The following GPR107 variants were observed in gnomAD, a reference collection of about 807,000 sequenced individuals.
The protein encoded by GPR107 is protein GPR107.
A neutral mutation model predicts 75.5 loss-of-function variants in GPR107; 31 were observed. The ratio of observed to expected loss-of-function variants is 0.41; its 90% CI spans 0.31 to 0.55. The LOEUF (loss-of-function observed/expected upper bound fraction) is 0.55, where lower values mean the gene tolerates loss of function less well. Among genes scored for constraint, GPR107 ranks in the 20% least tolerant of loss-of-function variants. The pLI, the probability that GPR107 is intolerant of heterozygous loss-of-function variation, is 0.26. For missense variants in GPR107, 572 were observed against 665.7 expected, an observed-to-expected ratio of 0.86 and a Z score of 1.55; for synonymous variants, 267 against 251.3, an observed-to-expected ratio of 1.06 and a Z score of -0.59.
At chr9:130,097,587 C>A (rs1830906679) in intron 9 of GPR107, among the ~76,000 whole-genome samples, 1 of 152,082 alleles carries the variant, frequency 6.6e-6, no homozygotes, top group Admixed American at 6.6e-5. Flanking sequence ...TTAATTTTTG[C>A]CAATCTGATA....
chr9:130,114,833 T>C (rs191029740), intron 14 of GPR107, among the ~76,000 whole-genome samples: 2 of 152,366 alleles, frequency 1.3e-5, no homozygotes, highest in African/African-American at 4.8e-5. Context: ...GAGTCTCTCA[T>C]GGACATGGGG....
intron 1 of GPR107, among the ~76,000 whole-genome samples, chr9:130,067,076 G>T (rs1830089967): frequency 6.6e-6 from 1 of 152,052 alleles, no homozygotes; most frequent in South Asian, 2.1e-4. Context: ...CTGGGAGAAT[G>T]TGACACTGAG....
rs1411192574 is a variant in GPR107 at position 130,053,923 on chromosome 9, T to A, written c.-10T>A. On this transcript the variant is annotated 5_prime_UTR_variant, in exon 1 of 18. Transcript: ENST00000347136. ...CGGGAGAGGAAGCGGCTGGTGATGC[T>A]GGAACAAACATGGCCGCTCTGGCGC... The A allele has an allele frequency of 1.9e-6, 3 of 1,557,566 alleles. 1 individual carries two copies. The highest frequency in any genetic ancestry group is 4.6e-4 in the Middle Eastern group (2 of 4,374).
At chr9:130,056,733 G>A (rs1254362078) in intron 1 of GPR107, among the ~76,000 whole-genome samples, 3 of 151,602 alleles carry the variant, frequency 2.0e-5, no homozygotes, top group Non-Finnish European at 4.4e-5. Context: ...AGACCATCCT[G>A]GCTAACAAGG....
chr9:130,109,893 C>T (rs555707242), intron 14 of GPR107, among the ~76,000 whole-genome samples: 27 of 152,322 alleles, frequency 1.8e-4, no homozygotes, highest in African/African-American at 6.0e-4. Context: ...TTTAATATAT[C>T]GCGATGAGAC....
At chr9:130,076,809 G>A (rs772667724) in intron 3 of GPR107, among the ~76,000 whole-genome samples, 2 of 151,006 alleles carry the variant, frequency 1.3e-5, no homozygotes, top group Admixed American at 6.6e-5. Context: ...ACCACGCCTG[G>A]CCACAGCGCC....
chr9:130,056,978 G>A (rs1311127957), intron 1 of GPR107, among the ~76,000 whole-genome samples: 2 of 141,256 alleles, frequency 1.4e-5, no homozygotes, highest in Admixed American at 7.2e-5. Context: ...GTGTTGGGCC[G>A]CATTCAAAGC....
intron 1 of GPR107, among the ~76,000 whole-genome samples, chr9:130,062,631 TTCCTGCCTGCCTGCCTGCCTGCCTGCCTG>T (rs1829956181): frequency 3.0e-5 from 2 of 66,558 alleles, no homozygotes; most frequent in African/African-American, 5.0e-5. Flanking sequence ...CCTTCCTGCC[TTCCTGCCTGCCTGCCTGCCTGCCTGCCTG>T]CCTTCCTTCC....
At chr9:130,123,064 G>T (rs1345797735) in intron 14 of GPR107, among the ~76,000 whole-genome samples, 1 of 152,086 alleles carries the variant, frequency 6.6e-6, no homozygotes, top group Non-Finnish European at 1.5e-5. Context: ...GTTGTTTTTT[G>T]AGACTGGGTT....
intron 13 of GPR107, among the ~76,000 whole-genome samples, chr9:130,105,365 T>C (rs1831134118): frequency 2.0e-5 from 3 of 152,030 alleles, no homozygotes; most frequent in African/African-American, 7.2e-5. Context: ...GTGATTCTCC[T>C]GCCTCAGCCT....
chr9:130,079,776 C>T lies in GPR107; in HGVS notation c.526+7C>T, dbSNP rs761395806. 36 of 1,583,850 alleles carry T rather than the reference C, an allele frequency of 2.3e-5. No individual in the cohort carries two copies. Among genetic ancestry groups the T allele is most frequent in the East Asian group, 1.1e-4 (5 of 44,158 alleles). On this transcript the variant is annotated splice_region_variant and intron_variant, in intron 5 of 17. Coordinates refer to ENST00000347136, the MANE Select transcript of GPR107 (RefSeq NM_020960.5). ...CAGACCCAGAAGACACAAGGTAAAC[C>T]GTAAGGTGGAAACTGGCTTTCAGTT...
intron 5 of GPR107, among the ~76,000 whole-genome samples, chr9:130,081,893 C>A (rs142410345): frequency 2.0e-3 from 305 of 151,932 alleles, no homozygotes; most frequent in Non-Finnish European, 3.2e-3. Context: ...ACAACAACAA[C>A]AAAAAAAGAA....
intron 14 of GPR107, chr9:130,108,789 C>G (rs1312565251): frequency 4.4e-6 from 2 of 455,792 alleles, no homozygotes; most frequent in Non-Finnish European, 8.8e-6. Flanking sequence ...CCCTTCTTTT[C>G]CCTCTGGAGT....
chr9:130,078,592 G>A (rs1442398879), intron 4 of GPR107, among the ~76,000 whole-genome samples: 1 of 152,190 alleles, frequency 6.6e-6, no homozygotes, highest in African/African-American at 2.4e-5. Flanking sequence ...AGTGGGGCAG[G>A]CGAGAGACAG....
At position 130,056,199 on chromosome 9, in the gene GPR107, C is replaced by G. The variant is rs151235309; in HGVS notation, c.141+2126C>G. ...GGGCACGGTGGCTCACGCCTGTAAT[C>G]CCAGCACTTTCAGAGGCTGAGGTGG... On this transcript the variant is annotated intron_variant, in intron 1 of 17. Transcript: ENST00000347136. 4.6e-3 allele frequency among the ~76,000 whole-genome samples: 707 copies of G among 152,206 alleles called. 6 individuals are homozygous for G. The highest frequency in any genetic ancestry group is 7.5e-3 in the Non-Finnish European group (509 of 68,030).
Position 130,109,567 on chromosome 9 carries a change from CTTTCT to C in GPR107, c.1306+2032_1306+2036del, listed in dbSNP as rs988683932. Among the ~76,000 whole-genome samples the C allele has an allele frequency of 4.6e-3, 120 of 26,222 alleles. 11 individuals carry two copies. The highest frequency in any genetic ancestry group is 5.1e-3 in the Admixed American group (12 of 2,350). 17.2% of individuals were successfully genotyped at this position (26,222 alleles called of 152,430 possible). On this transcript the variant is annotated intron_variant, in intron 14 of 17. Coordinates refer to ENST00000347136, the MANE Select transcript of GPR107 (RefSeq NM_020960.5). ...AACTTGGTGAACAGGTAGTCTTTTTCTTTCTTTTTTTTTTTTTTTGGAGACGAAGT... is the reference window on the plus strand; with the variant it reads ...AACTTGGTGAACAGGTAGTCTTTTTCTTTTTTTTTTTTTTGGAGACGAAGT...
At chr9:130,100,438 GAC>G (rs1276860355) in intron 10 of GPR107, among the ~76,000 whole-genome samples, 189 bp from the exon 11 acceptor site, 1 of 152,224 alleles carries the variant, frequency 6.6e-6, no homozygotes, top group African/African-American at 2.4e-5. Flanking sequence ...TTGCAAGGAT[GAC>G]AGTCTCTAGA....
chr9:130,083,619 C>A lies in GPR107; in HGVS notation c.564+17C>A. On this transcript the variant is annotated intron_variant, in intron 6 of 17. Coordinates refer to ENST00000347136, the MANE Select transcript of GPR107 (RefSeq NM_020960.5). The stretch of plus-strand genomic sequence containing the variant: ...GATTCAAAGGTAAGAACTAACCACC[C>A]TTTTGTGCTCAGCTTTTCTGGATAT... The A allele has an allele frequency of 2.0e-6, 3 of 1,485,980 alleles. No individual in the cohort carries two copies. The highest frequency in any genetic ancestry group is 1.4e-5 in the South Asian group (1 of 72,282). The allele number at this position is 1,485,980 out of a possible 1,614,324, so 92.0% of individuals were successfully genotyped here.
At chr9:130,056,131 C>T (rs987308806) in intron 1 of GPR107, among the ~76,000 whole-genome samples, 2 of 151,696 alleles carry the variant, frequency 1.3e-5, no homozygotes, top group African/African-American at 4.8e-5. Context: ...TATAGAACCT[C>T]TCTCCAGAAA....
Sources: gnomAD v4.1 joint callset for allele counts (sites outside exome capture counted in the v4.1 genomes callset) on GRCh38, gnomAD v4.1.1 for gene constraint, MANE v1.5 for transcripts, NCBI Gene and HGNC (gene_info 2026-07-23, HGNC 2026-07-21) for gene names.